PCDHA12: variants seen among roughly 807,000 people sequenced by gnomAD.
PCDHA12 encodes the protein protocadherin alpha-12.
PCDHA12 carries 44 observed loss-of-function variants against 60.0 expected under a neutral mutation model. The observed-to-expected ratio is 0.73, with a 90% confidence interval of 0.58 to 0.94. The LOEUF (loss-of-function observed/expected upper bound fraction) is 0.94, where lower values mean the gene tolerates loss of function less well. Among genes scored for constraint, PCDHA12 ranks in the 40% least tolerant of loss-of-function variants. PCDHA12 has a pLI of 0.00. For synonymous variants in PCDHA12, 569 were observed against 553.0 expected (o/e 1.03, Z -0.40); for missense variants, 1,276 against 1,239.7 (o/e 1.03, Z -0.44).
intron 3 of PCDHA12, among the ~76,000 whole-genome samples, chr5:140,983,123 G>A (rs781811003): frequency 2.0e-5 from 3 of 152,198 alleles, no homozygotes; most frequent in Non-Finnish European, 4.4e-5. Flanking sequence ...ACAACATTCT[G>A]CAGACTGACT....
At chr5:140,895,292 C>T (rs1032250917) in intron 1 of PCDHA12, among the ~76,000 whole-genome samples, 11 of 152,044 alleles carry the variant, frequency 7.2e-5, no homozygotes, top group Non-Finnish European at 1.2e-4. Flanking sequence ...TTAGGACCTT[C>T]GATTTCCCCC....
intron 1 of PCDHA12, among the ~76,000 whole-genome samples, chr5:140,879,020 TATTG>T (rs1366518511): frequency 6.6e-6 from 1 of 152,230 alleles, no homozygotes; most frequent in African/African-American, 2.4e-5. Context: ...GATAATGTTT[TATTG>T]AAGAGTGTCT....
intron 1 of PCDHA12, among the ~76,000 whole-genome samples, chr5:140,952,946 G>A (rs2094822679): frequency 6.6e-6 from 1 of 152,070 alleles, no homozygotes; most frequent in African/African-American, 2.4e-5. Flanking sequence ...AAGAGAGAGA[G>A]AAGGGGGAAG....
chr5:140,900,381 G>A lies in PCDHA12; in HGVS notation c.2367+22542G>A, dbSNP rs149167159. 1.2e-4 allele frequency among the ~76,000 whole-genome samples: 19 copies of A among 152,024 alleles called. 1 individual carries two copies. The East Asian group carries it at 2.1e-3, about 17-fold the overall frequency. ...CAACCTCTGCCTCCTGGGTTCAAGC[G>A]ATTCTCCTGCCTCAGCCTCCCAAGT... is the stretch of plus-strand genomic sequence containing the variant. On this transcript the variant is annotated intron_variant, in intron 1 of 3. Transcript: ENST00000398631.
chr5:140,963,207 CCT>C (rs1246984290), intron 1 of PCDHA12, among the ~76,000 whole-genome samples: 4 of 148,438 alleles, frequency 2.7e-5, no homozygotes, highest in East Asian at 1.9e-4. Flanking sequence ...AAAAAAAAAA[CCT>C]CGTGTTTAGA....
intron 1 of PCDHA12, chr5:140,883,308 C>A: frequency 6.2e-7 from 1 of 1,614,102 alleles, no homozygotes; most frequent in Non-Finnish European, 8.5e-7. Context: ...AATGATAACG[C>A]CCCAGAGGTT....
intron 3 of PCDHA12, among the ~76,000 whole-genome samples, chr5:140,987,224 A>T (rs28567024): frequency 4.6e-5 from 7 of 152,044 alleles, no homozygotes; most frequent in East Asian, 1.9e-4. Context: ...AAAAAAAAAA[A>T]AAATAATAAA....
chr5:140,967,043 G>T (rs1477679213), intron 1 of PCDHA12: 2 of 1,611,990 alleles, frequency 1.2e-6, no homozygotes, highest in African/African-American at 2.7e-5. Context: ...CCTGGAGCTG[G>T]ACCTGACGAG....
chr5:141,001,403 G>C (rs2098015477), intron 3 of PCDHA12, among the ~76,000 whole-genome samples: 1 of 152,232 alleles, frequency 6.6e-6, no homozygotes, highest in Non-Finnish European at 1.5e-5. Flanking sequence ...AGAACAGGGA[G>C]TATATTTTTA....
At chr5:140,991,026 T>A (rs1003749305) in intron 3 of PCDHA12, among the ~76,000 whole-genome samples, 8 of 152,210 alleles carry the variant, frequency 5.3e-5, no homozygotes, top group Admixed American at 2.0e-4. Context: ...ACTTTACATA[T>A]GTTGCATACT....
chr5:140,957,826 G>A (rs1282608668), intron 1 of PCDHA12, among the ~76,000 whole-genome samples: 3 of 151,106 alleles, frequency 2.0e-5, no homozygotes, highest in East Asian at 3.9e-4. Flanking sequence ...TTAAGAGAAA[G>A]TGTTAATTGA....
intron 1 of PCDHA12, 78 bp from the exon 2 acceptor site, chr5:140,978,871 T>A (rs1328301924): frequency 6.2e-7 from 1 of 1,606,392 alleles, no homozygotes; most frequent in Non-Finnish European, 8.5e-7. Context: ...TTTAAGGGAG[T>A]AACTAATCAA....
At position 140,877,415 on chromosome 5, in the gene PCDHA12, T is replaced by A. The variant is rs1554169714; in HGVS notation, c.1943T>A (p.Leu648Gln). ...DEADAPRHRL[L>Q]VLVKDHGEPA... ...GCGGACGCTCCGCGCCACCGCCTGC[T>A]GGTGCTGGTGAAGGACCACGGTGAG... is the stretch of plus-strand genomic sequence containing the variant. The change falls in exon 1 of 4, where the codon CTG becomes CAG. Residue 648 changes from leucine (L) to glutamine (Q), a missense_variant. Leu to Gln is a moderately radical substitution (Grantham distance 113). Transcript: ENST00000398631. 1.9e-6 allele frequency: 3 copies of A among 1,613,882 alleles called. No homozygotes were observed. Among genetic ancestry groups the A allele is most frequent in the Non-Finnish European group, 2.5e-6 (3 of 1,179,850 alleles).
chr5:140,877,146 GA>G lies in PCDHA12; in HGVS notation c.1676del (p.Asn559ThrfsTer93), dbSNP rs781877505. ...CGCTGCAGGTGTTCGTGCTGGACGAGAACGACAACGCGCCGGCACTGCTGGC... is the reference window on the plus strand; with the variant it reads ...CGCTGCAGGTGTTCGTGCTGGACGAGACGACAACGCGCCGGCACTGCTGGC... ...VTLQVFVLDE[N>X]DNAPALLATP... On this transcript the variant is annotated frameshift_variant, in exon 1 of 4. Coordinates refer to ENST00000398631, the MANE Select transcript of PCDHA12 (RefSeq NM_018903.4). LOFTEE classifies it high-confidence loss of function. 5.0e-6 allele frequency: 8 copies of G among 1,613,700 alleles called. No individual in the cohort carries two copies. Among genetic ancestry groups the G allele is most frequent in the Admixed American group, 3.3e-5 (2 of 59,996 alleles).
rs1364118007 is a variant in PCDHA12 at position 140,899,089 on chromosome 5, G to T, written c.2367+21250G>T. Among the ~76,000 whole-genome samples the T allele has an allele frequency of 5.3e-5, 8 of 152,134 alleles. No individual in the cohort carries two copies. The East Asian group carries it at 1.5e-3, about 29-fold the overall frequency. On this transcript the variant is annotated intron_variant, in intron 1 of 3. Coordinates refer to ENST00000398631, the MANE Select transcript of PCDHA12 (RefSeq NM_018903.4). ...TGCTTATCAGCTTAAGGAGATTTTG[G>T]GCTGAGATAATGGGGTTTTCTAGAT...
At chr5:140,905,135 T>A (rs2071619691) in intron 1 of PCDHA12, among the ~76,000 whole-genome samples, 1 of 152,208 alleles carries the variant, frequency 6.6e-6, no homozygotes, top group Non-Finnish European at 1.5e-5. Context: ...GAAGAGTTTT[T>A]CTGCTGTTAT....
chr5:140,883,771 G>A (rs782418376), intron 1 of PCDHA12: 11 of 1,612,346 alleles, frequency 6.8e-6, no homozygotes, highest in African/African-American at 1.3e-5. Context: ...GGGTGGGCGA[G>A]CGTGCGCTGT....
At chr5:140,918,412 A>G (rs1335591362) in intron 1 of PCDHA12, among the ~76,000 whole-genome samples, 5 of 152,252 alleles carry the variant, frequency 3.3e-5, no homozygotes, top group Middle Eastern at 3.4e-3. Context: ...TCTGGCCAGG[A>G]CTTCCAGTAG....
chr5:140,986,758 G>A (rs1242772553), intron 3 of PCDHA12, among the ~76,000 whole-genome samples: 1 of 152,194 alleles, frequency 6.6e-6, no homozygotes, highest in Non-Finnish European at 1.5e-5. Context: ...ACTAAACAGT[G>A]AAAGATTAAT....
Sources: gnomAD v4.1 joint callset for allele counts (sites outside exome capture counted in the v4.1 genomes callset) on GRCh38, gnomAD v4.1.1 for gene constraint, MANE v1.5 for transcripts, NCBI Gene and HGNC (gene_info 2026-07-23, HGNC 2026-07-21) for gene names.